Variants in DOCK1 observed in about 807,000 individuals in gnomAD.
DOCK1 encodes dedicator of cytokinesis protein 1.
Under a neutral mutation model 262.7 loss-of-function variants are expected in DOCK1, and 138 were observed. The ratio of observed to expected loss-of-function variants is 0.53; its 90% CI spans 0.46 to 0.61. The LOEUF (loss-of-function observed/expected upper bound fraction) is 0.61. Among genes scored for constraint, DOCK1 ranks in the 20% least tolerant of loss-of-function variants. The pLI is 0.00. For missense variants in DOCK1, 1,908 were observed against 2,370.7 expected (o/e 0.80, Z 4.05); for synonymous variants, 866 against 867.4 (o/e 1.00, Z 0.03).
intron 29 of DOCK1, among the ~76,000 whole-genome samples, chr10:127,327,981 T>C (rs1483734653): frequency 6.6e-6 from 1 of 152,032 alleles, no homozygotes; most frequent in Non-Finnish European, 1.5e-5. Flanking sequence ...ACACCCCACA[T>C]AGAGAGACCC....
intron 33 of DOCK1, among the ~76,000 whole-genome samples, chr10:127,363,230 C>G (rs1565027845): frequency 6.6e-6 from 1 of 152,160 alleles, no homozygotes; most frequent in Non-Finnish European, 1.5e-5. Context: ...TTATACTGGA[C>G]CGGATGTGGT....
chr10:126,949,465 T>G (rs1298256167), intron 1 of DOCK1, among the ~76,000 whole-genome samples: 1 of 152,082 alleles, frequency 6.6e-6, no homozygotes, highest in Non-Finnish European at 1.5e-5. Flanking sequence ...GGTAGGTGTG[T>G]GAGGGAGGGT....
At chr10:127,410,495 T>C (rs1308089154) in intron 42 of DOCK1, among the ~76,000 whole-genome samples, 1 of 152,252 alleles carries the variant, frequency 6.6e-6, no homozygotes, top group Admixed American at 6.5e-5. Flanking sequence ...AACTAAGGTA[T>C]GTAATACTTT....
At chr10:127,021,936 C>A (rs2042455260) in intron 13 of DOCK1, among the ~76,000 whole-genome samples, 1 of 152,226 alleles carries the variant, frequency 6.6e-6, no homozygotes, top group East Asian at 1.9e-4. Context: ...CTTGACGGAA[C>A]CGCTCTTTGG....
chr10:127,064,065 G>T (rs897899493), intron 23 of DOCK1, among the ~76,000 whole-genome samples: 1 of 152,198 alleles, frequency 6.6e-6, no homozygotes, highest in Non-Finnish European at 1.5e-5. Flanking sequence ...TTTCAGTTTT[G>T]CTGTGTCTAA....
chr10:127,007,330 G>T, intron 10 of DOCK1: 1 of 152,298 alleles, frequency 6.6e-6, no homozygotes. Flanking sequence ...GGAGGGTGGT[G>T]ATGGTGATGG....
At chr10:126,955,548 C>T (rs1461746954) in intron 1 of DOCK1, among the ~76,000 whole-genome samples, 1 of 152,080 alleles carries the variant, frequency 6.6e-6, no homozygotes, top group Non-Finnish European at 1.5e-5. Flanking sequence ...GTTCGGGGCA[C>T]AAGGGTTTGG....
chr10:127,180,513 C>T (rs2055623968), intron 27 of DOCK1, among the ~76,000 whole-genome samples: 1 of 152,102 alleles, frequency 6.6e-6, no homozygotes, highest in South Asian at 2.1e-4. Flanking sequence ...AGCTAGATGT[C>T]GAGGAGCTGT....
intron 27 of DOCK1, among the ~76,000 whole-genome samples, chr10:127,155,267 A>G (rs992994764): frequency 2.0e-5 from 3 of 151,924 alleles, no homozygotes; most frequent in African/African-American, 4.8e-5. Context: ...CTGTTACATC[A>G]ACATTTGACA....
intron 30 of DOCK1, among the ~76,000 whole-genome samples, chr10:127,342,071 CT>C (rs1345702037): frequency 6.6e-6 from 1 of 151,138 alleles, no homozygotes; most frequent in Non-Finnish European, 1.5e-5. Flanking sequence ...GTTGTTGCTG[CT>C]GCTGTTGCTG....
intron 29 of DOCK1, among the ~76,000 whole-genome samples, chr10:127,295,528 A>T (rs1183534557): frequency 6.6e-6 from 1 of 152,084 alleles, no homozygotes; most frequent in Non-Finnish European, 1.5e-5. Context: ...CTACAAAAAA[A>T]ATTTAGAAAT....
chr10:127,367,282 T>C (rs1054249246), intron 33 of DOCK1, among the ~76,000 whole-genome samples: 3 of 152,210 alleles, frequency 2.0e-5, no homozygotes, highest in South Asian at 2.1e-4. Context: ...GCCTACTCCT[T>C]TCCTGTCTCC....
Position 127,446,048 on chromosome 10 carries a change from C to T in DOCK1, c.5414-1346C>T, listed in dbSNP as rs542946107. On this transcript the variant is annotated intron_variant, in intron 50 of 51. Coordinates refer to ENST00000623213, the MANE Select transcript of DOCK1 (RefSeq NM_001290223.2). This position sits in a 1 kb window ranked among gnomAD's most constrained non-coding sequence, Gnocchi z 4.4. Reference sequence around the variant, plus strand: ...GGTGGATCAGCTGAGGTCAGGAGTTCGAGACCAGCCAGTCAACATGGTAAA... The same window carrying T: ...GGTGGATCAGCTGAGGTCAGGAGTTTGAGACCAGCCAGTCAACATGGTAAA... Among the ~76,000 whole-genome samples, 1 of 152,160 alleles carries T rather than the reference C, an allele frequency of 6.6e-6. No homozygotes were observed. The highest frequency in any genetic ancestry group is 2.1e-4 in the South Asian group (1 of 4,810).
chr10:127,057,901 G>T (rs997670571), intron 22 of DOCK1, among the ~76,000 whole-genome samples: 7 of 152,268 alleles, frequency 4.6e-5, no homozygotes, highest in Admixed American at 2.0e-4. Context: ...GTCATTCCTT[G>T]TTAATGAACA....
chr10:126,999,432 T>C lies in DOCK1; in HGVS notation c.846T>C (p.Phe282=). ...IDRLHNLRAV[F]TDLGSKDLKR... is the part of the protein sequence containing the mutation. ...GATTACATAATTTGCGAGCCGTGTT[T>C]ACTGTAAGTGCACCCAAAGATGCTT... The change falls in exon 9 of 52, where the codon TTT becomes TTC. Residue 282 remains phenylalanine (F), a synonymous_variant. Coordinates refer to ENST00000623213, the MANE Select transcript of DOCK1 (RefSeq NM_001290223.2). 1 of 1,612,846 alleles carries C rather than the reference T, an allele frequency of 6.2e-7. No homozygotes were observed. Among genetic ancestry groups the C allele is most frequent in the Non-Finnish European group, 8.5e-7 (1 of 1,179,346 alleles).
chr10:127,353,876 G>A (rs764711984), intron 31 of DOCK1, among the ~76,000 whole-genome samples: 11 of 152,166 alleles, frequency 7.2e-5, no homozygotes, highest in South Asian at 2.1e-4. Context: ...ACCACAGTGC[G>A]CTCTTCTGTA....
Position 127,143,742 on chromosome 10 carries a change from T to C in DOCK1, c.2847+15978T>C, listed in dbSNP as rs186526496. Among the ~76,000 whole-genome samples, 66 of 152,314 alleles carry C rather than the reference T, an allele frequency of 4.3e-4. 1 individual carries two copies. In the East Asian group the frequency reaches 8.1e-3, roughly 19 times the overall value. The stretch of plus-strand genomic sequence containing the variant: ...CCCAGGCCTGGCTCTCCCCCTTGCA[T>C]GGGAGGTGAATTCAGGCAAGTCCTT... On this transcript the variant is annotated intron_variant, in intron 27 of 51. Coordinates refer to ENST00000623213, the MANE Select transcript of DOCK1 (RefSeq NM_001290223.2).
chr10:127,423,744 A>G (rs2134523877), intron 46 of DOCK1, among the ~76,000 whole-genome samples: 1 of 152,326 alleles, frequency 6.6e-6, no homozygotes, highest in East Asian at 1.9e-4. Flanking sequence ...TGGAGCATTA[A>G]GCAAGGCTTC....
intron 1 of DOCK1, among the ~76,000 whole-genome samples, chr10:126,935,648 T>G (rs2034513914): frequency 1.3e-5 from 2 of 152,356 alleles, no homozygotes; most frequent in Non-Finnish European, 2.9e-5. Context: ...TTCTGCTGTT[T>G]GCCTAACTTC....
Sources: gnomAD v4.1 joint callset for allele counts (sites outside exome capture counted in the v4.1 genomes callset) on GRCh38, gnomAD v4.1.1 for gene constraint, Gnocchi (gnomAD v3.1) non-coding constraint, MANE v1.5 for transcripts, NCBI Gene and HGNC (gene_info 2026-07-23, HGNC 2026-07-21) for gene names.